PABPC4L: variants seen among roughly 807,000 people sequenced by gnomAD.
PABPC4L encodes the protein poly(A) binding protein cytoplasmic 4 like.
For synonymous variants in PABPC4L, 169 were observed against 164.1 expected, an observed-to-expected ratio of 1.03 and a Z score of -0.23; for missense variants, 452 against 451.4, an observed-to-expected ratio of 1.00 and a Z score of -0.01.
the PABPC4L span, among the ~76,000 whole-genome samples, chr4:133,992,365 C>T: frequency 1.3e-5 from 2 of 152,136 alleles, no homozygotes; most frequent in African/African-American, 4.8e-5. Context: ...TTGCATTGCC[C>T]AGTTTGAGGC....
At chr4:133,977,820 T>G in the PABPC4L span, 1 of 152,330 alleles carries the variant, frequency 6.6e-6, no homozygotes. Flanking sequence ...GCTATGTATT[T>G]TCTAGAACAC....
the PABPC4L span, among the ~76,000 whole-genome samples, chr4:134,144,470 A>C: frequency 6.6e-6 from 1 of 151,368 alleles, no homozygotes; most frequent in Middle Eastern, 3.4e-3. Flanking sequence ...GTATCTATTG[A>C]TGTCATAAAT....
At chr4:133,990,809 C>T in the PABPC4L span, among the ~76,000 whole-genome samples, 259 of 152,262 alleles carry the variant, frequency 1.7e-3, no homozygotes, top group Middle Eastern at 6.8e-3. Context: ...ACAGATTTAT[C>T]GAGATAAGTT....
chr4:134,174,689 G>T, the PABPC4L span, among the ~76,000 whole-genome samples: 6 of 152,032 alleles, frequency 3.9e-5, no homozygotes. Flanking sequence ...TGTGTCTGCG[G>T]TTTTTCCCTT....
the PABPC4L span, among the ~76,000 whole-genome samples, chr4:134,072,814 A>G: frequency 1.3e-5 from 2 of 152,124 alleles, no homozygotes; most frequent in African/African-American, 4.8e-5. Context: ...ATGGTAGCAG[A>G]AGAGATAGCT....
At chr4:133,948,543 A>G in the PABPC4L span, among the ~76,000 whole-genome samples, 1 of 152,316 alleles carries the variant, frequency 6.6e-6, no homozygotes, top group Non-Finnish European at 1.5e-5. Context: ...AGGCAAGAGG[A>G]GTGATTCATA....
At chr4:134,018,117 T>C in the PABPC4L span, among the ~76,000 whole-genome samples, 21 of 152,112 alleles carry the variant, frequency 1.4e-4, no homozygotes, top group Admixed American at 1.0e-3. Context: ...ACTGATGACA[T>C]TGTCTCATGA....
At chr4:133,956,237 C>A in the PABPC4L span, among the ~76,000 whole-genome samples, 9 of 152,102 alleles carry the variant, frequency 5.9e-5, no homozygotes, top group Admixed American at 4.6e-4. Context: ...AAGTGAGGGA[C>A]ACTAGGAATG....
chr4:134,080,629 T>C, the PABPC4L span, among the ~76,000 whole-genome samples: 1 of 152,144 alleles, frequency 6.6e-6, no homozygotes, highest in African/African-American at 2.4e-5. Flanking sequence ...CCTAATCTCT[T>C]TGGTTAATAA....
At chr4:133,987,604 T>C in the PABPC4L span, among the ~76,000 whole-genome samples, 1 of 152,100 alleles carries the variant, frequency 6.6e-6, no homozygotes, top group African/African-American at 2.4e-5. Context: ...TATACAGATT[T>C]TGTGGGATCT....
chr4:134,191,471 A>G (rs932668675), downstream of PABPC4L, among the ~76,000 whole-genome samples: 3 of 152,158 alleles, frequency 2.0e-5, no homozygotes, highest in Non-Finnish European at 2.9e-5. Context: ...AATTTAAAAA[A>G]GGATTGAAAT....
the PABPC4L span, among the ~76,000 whole-genome samples, chr4:134,025,755 A>G: frequency 6.6e-6 from 1 of 152,150 alleles, no homozygotes; most frequent in African/African-American, 2.4e-5. Context: ...TAGGAATACA[A>G]ATTTAATGTA....
At chr4:134,141,259 C>A in the PABPC4L span, among the ~76,000 whole-genome samples, 1 of 151,612 alleles carries the variant, frequency 6.6e-6, no homozygotes, top group African/African-American at 2.4e-5. Context: ...AGGATGCAAA[C>A]TACTCCCTGT....
At chr4:134,194,504 G>C (rs547628598), downstream of PABPC4L, among the ~76,000 whole-genome samples, 2 of 151,640 alleles carry the variant, frequency 1.3e-5, no homozygotes, top group East Asian at 3.9e-4. Context: ...TCATTACCTT[G>C]GTTACAATGA....
chr4:133,960,934 A>G, the PABPC4L span, among the ~76,000 whole-genome samples: 2 of 152,122 alleles, frequency 1.3e-5, no homozygotes, highest in African/African-American at 4.8e-5. Flanking sequence ...GTCTGAGCTC[A>G]GACACACATA....
the PABPC4L span, among the ~76,000 whole-genome samples, chr4:134,089,609 A>G: frequency 6.6e-6 from 1 of 152,150 alleles, no homozygotes; most frequent in African/African-American, 2.4e-5. Context: ...GTTTGTATGT[A>G]TAGGAAAAAA....
chr4:134,176,634 G>T, the PABPC4L span, among the ~76,000 whole-genome samples: 3 of 152,100 alleles, frequency 2.0e-5, no homozygotes, highest in African/African-American at 7.2e-5. Flanking sequence ...AACCCAACAG[G>T]CCGATCATCT....
the PABPC4L span, among the ~76,000 whole-genome samples, chr4:134,105,819 G>T: frequency 2.4e-3 from 358 of 151,762 alleles, 1 homozygote; most frequent in African/African-American, 8.2e-3. Context: ...AGTCATAAAA[G>T]CTTACTGAGA....
chr4:134,116,432 T>C, the PABPC4L span, among the ~76,000 whole-genome samples: 1 of 151,916 alleles, frequency 6.6e-6, no homozygotes, highest in Non-Finnish European at 1.5e-5. Context: ...GTTTTTCAAG[T>C]ACTCAAAAAC....
Sources: allele counts gnomAD v4.1 joint callset (sites outside exome capture counted in the v4.1 genomes callset), GRCh38; gene constraint gnomAD v4.1.1; transcripts MANE v1.5; gene names NCBI Gene and HGNC (gene_info 2026-07-23, HGNC 2026-07-21).